The following CFAP54 variants were observed in gnomAD, a reference collection of about 807,000 sequenced individuals.
The protein encoded by CFAP54 is cilia and flagella associated protein 54, also known as cilia- and flagella-associated protein 54.
A neutral mutation model predicts 370.4 loss-of-function variants in CFAP54; 290 were observed. The observed-to-expected ratio is 0.78, with a 90% confidence interval of 0.71 to 0.86. CFAP54 has a LOEUF of 0.86. Among genes scored for constraint, CFAP54 ranks in the 40% least tolerant of loss-of-function variants. CFAP54 has a pLI of 0.00. For missense variants in CFAP54, 3,399 were observed against 3,528.7 expected (o/e 0.96, Z 0.93); for synonymous variants, 1,206 against 1,236.5 (o/e 0.98, Z 0.52).
chr12:96,594,406 C>A lies in CFAP54; in HGVS notation c.3476C>A (p.Pro1159His). The change falls in exon 25 of 68, where the codon CCC becomes CAC. Residue 1159 changes from proline to histidine, a missense_variant. Pro to His is a moderately conservative substitution (Grantham distance 77, BLOSUM62 -2). Transcript: ENST00000524981. ...ACTCAATGTTATGGACTTCTTGCTC[C>A]CATAATTTATCACAATATTGTTTTG... ...AVTQCYGLLA[P>H]IIYHNIVLVP... The A allele has an allele frequency of 6.5e-7, 1 of 1,533,616 alleles. No homozygotes were observed. The highest frequency in any genetic ancestry group is 8.7e-7 in the Non-Finnish European group (1 of 1,145,166).
intron 23 of CFAP54, among the ~76,000 whole-genome samples, 198 bp downstream of exon 23, chr12:96,589,761 T>G (rs1206031293): frequency 6.6e-6 from 1 of 152,136 alleles, no homozygotes; most frequent in Non-Finnish European, 1.5e-5. Context: ...TTTCTTTCTT[T>G]TTTTTAATAC....
intron 32 of CFAP54, among the ~76,000 whole-genome samples, chr12:96,638,112 A>T (rs914476909): frequency 1.3e-5 from 2 of 151,836 alleles, no homozygotes; most frequent in Non-Finnish European, 2.9e-5. Flanking sequence ...ACTTGCTGGA[A>T]GTACAGTTGG....
At chr12:96,717,171 G>T (rs79311105) in intron 48 of CFAP54, among the ~76,000 whole-genome samples, 70 of 152,294 alleles carry the variant, frequency 4.6e-4, no homozygotes, top group African/African-American at 1.7e-3. Flanking sequence ...ACTCTTCCTA[G>T]GGTCTTTTGT....
chr12:96,681,130 C>T (rs918303266), intron 40 of CFAP54, among the ~76,000 whole-genome samples: 4 of 151,484 alleles, frequency 2.6e-5, no homozygotes, highest in African/African-American at 9.7e-5. Flanking sequence ...CACACACACA[C>T]ACAAAAAGTG....
intron 60 of CFAP54, among the ~76,000 whole-genome samples, chr12:96,772,007 T>G (rs1297112566): frequency 6.6e-6 from 1 of 152,188 alleles, no homozygotes; most frequent in Non-Finnish European, 1.5e-5. Context: ...AACACTGAAC[T>G]GTTCTTAGTT....
intron 60 of CFAP54, among the ~76,000 whole-genome samples, chr12:96,775,966 T>C (rs1958515093): frequency 6.6e-6 from 1 of 152,216 alleles, no homozygotes; most frequent in African/African-American, 2.4e-5. Context: ...TAAGACCTGA[T>C]AGTATTTTTC....
intron 36 of CFAP54, among the ~76,000 whole-genome samples, chr12:96,657,396 T>C (rs754898745): frequency 1.3e-5 from 2 of 152,360 alleles, no homozygotes; most frequent in Non-Finnish European, 2.9e-5. Flanking sequence ...ATTAGGGAAC[T>C]TCATTATGTG....
chr12:96,691,417 C>A, intron 44 of CFAP54, 107 bp downstream of exon 44: 1 of 684,182 alleles, frequency 1.5e-6, no homozygotes, highest in Non-Finnish European at 2.3e-6. Context: ...TACTGTTTAA[C>A]TTTTAAACTC....
chr12:96,677,569 C>T (rs573610249), intron 39 of CFAP54, among the ~76,000 whole-genome samples: 1 of 152,180 alleles, frequency 6.6e-6, no homozygotes, highest in East Asian at 1.9e-4. Flanking sequence ...CAAGACTGGG[C>T]ATGGCTTAGC....
chr12:96,758,260 A>C (rs1958287897), intron 58 of CFAP54, among the ~76,000 whole-genome samples: 1 of 152,140 alleles, frequency 6.6e-6, no homozygotes, highest in Non-Finnish European at 1.5e-5. Context: ...TCACGCTGCT[A>C]ATAAAGACAT....
intron 66 of CFAP54, among the ~76,000 whole-genome samples, chr12:96,847,906 A>G (rs1959403683): frequency 6.6e-6 from 1 of 152,226 alleles, no homozygotes; most frequent in Admixed American, 6.5e-5. Context: ...TAAAGTGACA[A>G]TGACAATGGT....
At chr12:96,786,547 A>C (rs547809609) in intron 61 of CFAP54, 128 bp from the exon 62 acceptor site, 2 of 664,278 alleles carry the variant, frequency 3.0e-6, no homozygotes, top group Non-Finnish European at 5.0e-6. Context: ...AAACAGAGGG[A>C]CGTCATTGGC....
intron 60 of CFAP54, among the ~76,000 whole-genome samples, chr12:96,774,550 T>A (rs1481310219): frequency 6.6e-6 from 1 of 152,148 alleles, no homozygotes; most frequent in East Asian, 1.9e-4. Flanking sequence ...CTTATAAAAA[T>A]ATACTTAATA....
intron 67 of CFAP54, among the ~76,000 whole-genome samples, chr12:96,862,042 C>T (rs550842547): frequency 9.9e-5 from 15 of 152,044 alleles, no homozygotes; most frequent in African/African-American, 2.9e-4. Context: ...AATGAAACAA[C>T]GGTAATAGTA....
chr12:96,521,737 A>G (rs1955322982), intron 6 of CFAP54, 120 bp from the exon 7 acceptor site: 1 of 684,000 alleles, frequency 1.5e-6, no homozygotes, highest in African/African-American at 1.8e-5. Flanking sequence ...AGGAGTCAGC[A>G]TTAACCTAGA....
chr12:96,549,616 G>A (rs1344510), intron 15 of CFAP54, among the ~76,000 whole-genome samples: 39,762 of 152,028 alleles, frequency 0.26, 5,549 homozygotes, highest in South Asian at 0.38. Flanking sequence ...AGTTGAGTCT[G>A]GATTCTGATA....
intron 1 of CFAP54, among the ~76,000 whole-genome samples, chr12:96,491,626 G>A (rs1029990239): frequency 3.9e-5 from 6 of 152,152 alleles, no homozygotes; most frequent in Non-Finnish European, 7.3e-5. Flanking sequence ...AGTGCCTGGT[G>A]TACTAGAAGC....
At chr12:96,765,289 T>TAATTGTAATTTGTTGG (rs770856589) in intron 60 of CFAP54, 71 bp downstream of exon 60, 1 of 1,297,812 alleles carries the variant, frequency 7.7e-7, no homozygotes, top group South Asian at 2.2e-5. Context: ...TTCAAAGATT[T>TAATTGTAATTTGTTGG]AATTGTAATT....
At chr12:96,703,996 A>G (rs527561042) in intron 46 of CFAP54, among the ~76,000 whole-genome samples, 2 of 152,348 alleles carry the variant, frequency 1.3e-5, no homozygotes, top group Admixed American at 6.5e-5. Flanking sequence ...ATCCAGCAAT[A>G]GGAAAGAGGT....
Sources: allele counts gnomAD v4.1 joint callset (sites outside exome capture counted in the v4.1 genomes callset), GRCh38; gene constraint gnomAD v4.1.1; transcripts MANE v1.5; gene names NCBI Gene and HGNC (gene_info 2026-07-23, HGNC 2026-07-21).